The following DHRS12 variants were observed in gnomAD, a reference collection of about 807,000 sequenced individuals.
DHRS12 encodes the protein dehydrogenase/reductase SDR family member 12.
In DHRS12, 29 loss-of-function variants were observed where a neutral mutation model predicts 32.1. That is an observed-to-expected ratio of 0.90 (90% CI 0.67 to 1.23). The LOEUF is 1.23. DHRS12 is among the 50% of genes most tolerant of loss of function. The pLI, the probability that DHRS12 is intolerant of heterozygous loss-of-function variation, is 0.00. For missense variants in DHRS12, 330 were observed against 337.2 expected (o/e 0.98, Z 0.17); for synonymous variants, 150 against 135.9 (o/e 1.10, Z -0.72).
intron 4 of DHRS12, among the ~76,000 whole-genome samples, chr13:51,788,720 G>A (rs545954834): frequency 6.6e-6 from 1 of 152,048 alleles, no homozygotes; most frequent in Non-Finnish European, 1.5e-5. Flanking sequence ...AATTAGTCAG[G>A]CATGGTGGTA....
chr13:51,783,186 C>T (rs183670173), intron 4 of DHRS12, among the ~76,000 whole-genome samples: 49 of 152,276 alleles, frequency 3.2e-4, no homozygotes, highest in African/African-American at 1.1e-3. Flanking sequence ...GACGGCTCCC[C>T]GGTACAGTTT....
chr13:51,791,343 A>G (rs1955262086), intron 2 of DHRS12, 86 bp from the exon 3 acceptor site: 3 of 774,436 alleles, frequency 3.9e-6, no homozygotes, highest in African/African-American at 3.6e-5. Context: ...TACGGTTTTT[A>G]AAAAGCAAAT....
chr13:51,771,715 T>G, intron 7 of DHRS12, 106 bp downstream of exon 7: 1 of 1,431,008 alleles, frequency 7.0e-7, no homozygotes, highest in East Asian at 2.3e-5. Flanking sequence ...TCCTCAGTCC[T>G]CATTACGCTG....
At chr13:51,770,927 T>G in intron 7 of DHRS12, 1 of 1,257,288 alleles carries the variant, frequency 8.0e-7, no homozygotes, top group Non-Finnish European at 1.0e-6. Flanking sequence ...AGCACTGTGA[T>G]AAGCAACCTT....
intron 8 of DHRS12, chr13:51,768,716 C>T: frequency 8.9e-7 from 1 of 1,125,614 alleles, no homozygotes; most frequent in Non-Finnish European, 1.1e-6. Flanking sequence ...CACGCCTGCC[C>T]CCTTAGGAGC....
rs1371520455 is a variant in DHRS12, at chr13:51,768,167, C to T, written c.*20G>A. 8.5e-6 allele frequency: 13 copies of T among 1,535,964 alleles called. No individual in the cohort carries two copies. Among genetic ancestry groups the T allele is most frequent in the African/African-American group, 5.5e-5 (4 of 73,050 alleles). On this transcript the variant is annotated 3_prime_UTR_variant, in exon 9 of 9. Coordinates refer to ENST00000444610, the MANE Select transcript of DHRS12 (RefSeq NM_001377533.1). ...GTATCTTCTAAGGCAATTCTGGTAC[C>T]GCACTGTGTCTGGGTTGGCCTATTT...
At chr13:51,801,199 T>C (rs1955737365) in intron 1 of DHRS12, among the ~76,000 whole-genome samples, 1 of 152,178 alleles carries the variant, frequency 6.6e-6, no homozygotes. Flanking sequence ...GACATTATTA[T>C]TTTTTGAGAC....
chr13:51,787,908 A>G (rs1052101790), intron 4 of DHRS12, among the ~76,000 whole-genome samples: 8 of 134,310 alleles, frequency 6.0e-5, no homozygotes, highest in African/African-American at 2.2e-4. Flanking sequence ...ATATAAAAAT[A>G]TATAATTATA....
In DHRS12 at chr13:51,770,129, CCTT is replaced by C. The variant is rs551325357; in HGVS notation, c.560-839_560-837del. Reference sequence around the variant, plus strand: ...AAAGGATCACCTAAGCAAAAGCCCTCCTTTTTTAAATTAAAAATAAACATCTTT... The same window carrying C: ...AAAGGATCACCTAAGCAAAAGCCCTCTTTTAAATTAAAAATAAACATCTTT... On this transcript the variant is annotated intron_variant, in intron 7 of 8. Transcript: ENST00000444610. 8.5e-5 allele frequency among the ~76,000 whole-genome samples: 13 copies of C among 152,326 alleles called. No individual in the cohort carries two copies. The East Asian group carries it at 2.1e-3, about 25-fold the overall frequency.
chr13:51,796,991 G>C (rs1955538334), intron 2 of DHRS12, among the ~76,000 whole-genome samples: 1 of 152,188 alleles, frequency 6.6e-6, no homozygotes, highest in Non-Finnish European at 1.5e-5. Flanking sequence ...ATGCCTGAGG[G>C]TGGGTACTGT....
chr13:51,755,296 C>A, the DHRS12 span: 1 of 1,475,506 alleles, frequency 6.8e-7, no homozygotes, highest in South Asian at 1.1e-5. Flanking sequence ...TCATCAGGGT[C>A]AGTGGTTTCC....
the DHRS12 span, chr13:51,756,613 A>T: frequency 2.2e-6 from 3 of 1,378,440 alleles, no homozygotes; most frequent in South Asian, 1.7e-5. Flanking sequence ...CTCCTTTGCC[A>T]CCAAGAGATT....
At chr13:51,789,764 C>A (rs1955175778) in intron 4 of DHRS12, 1 of 985,204 alleles carries the variant, frequency 1.0e-6, no homozygotes, top group African/African-American at 1.7e-5. Context: ...TATAAACAGC[C>A]TAGCGCTTCC....
In DHRS12 at chr13:51,789,603, T is replaced by C. The variant is rs1955165256; in HGVS notation, c.301+408A>G. The C allele has an allele frequency of 4.1e-6, 4 of 985,326 alleles. No individual in the cohort carries two copies. The African/African-American group carries it at 5.2e-5, about 13-fold the overall frequency. 61.0% of individuals were successfully genotyped at this position (985,326 alleles called of 1,614,324 possible). ...TACAGAGTAGCAACCAGAGCCCAGG[T>C]ATCTGTGCTCTAGCCAATGCGCTTC... is the stretch of plus-strand genomic sequence containing the variant. On this transcript the variant is annotated intron_variant, in intron 4 of 8. Coordinates refer to ENST00000444610, the MANE Select transcript of DHRS12 (RefSeq NM_001377533.1).
intron 4 of DHRS12, among the ~76,000 whole-genome samples, chr13:51,779,694 C>A (rs562554009): frequency 6.6e-6 from 1 of 152,220 alleles, no homozygotes; most frequent in South Asian, 2.1e-4. Context: ...CTGGCCCTCC[C>A]AAAGCCCAGC....
intron 1 of DHRS12, among the ~76,000 whole-genome samples, chr13:51,803,019 C>A (rs1955830473): frequency 6.6e-6 from 1 of 152,214 alleles, no homozygotes; most frequent in African/African-American, 2.4e-5. Flanking sequence ...CCAGAGGACA[C>A]CCCTTTGAAA....
chr13:51,757,026 T>A, the DHRS12 span, among the ~76,000 whole-genome samples: 1 of 152,220 alleles, frequency 6.6e-6, no homozygotes, highest in Non-Finnish European at 1.5e-5. Flanking sequence ...TAGTGTTGGC[T>A]CATTGAAAGC....
At chr13:51,758,408 G>A in the DHRS12 span, 10 of 694,860 alleles carry the variant, frequency 1.4e-5, no homozygotes, top group South Asian at 2.3e-5. Flanking sequence ...TTGGGTAGCC[G>A]GCCATGGTGG....
chr13:51,779,247 C>T (rs1265236465), intron 4 of DHRS12, among the ~76,000 whole-genome samples: 1 of 152,220 alleles, frequency 6.6e-6, no homozygotes, highest in Non-Finnish European at 1.5e-5. Flanking sequence ...AGTCCTTCAA[C>T]ACTCTGGCCC....
Sources: gnomAD v4.1 joint callset for allele counts (sites outside exome capture counted in the v4.1 genomes callset) on GRCh38, gnomAD v4.1.1 for gene constraint, MANE v1.5 for transcripts, NCBI Gene and HGNC (gene_info 2026-07-23, HGNC 2026-07-21) for gene names.